ZCCHC14: variants seen among roughly 807,000 people sequenced by gnomAD.
The protein encoded by ZCCHC14 is zinc finger CCHC domain-containing protein 14.
ZCCHC14 carries 16 observed loss-of-function variants against 85.0 expected under a neutral mutation model. That is an observed-to-expected ratio of 0.19 (90% CI 0.13 to 0.29). The LOEUF (loss-of-function observed/expected upper bound fraction) is 0.29, where lower values mean the gene tolerates loss of function less well. ZCCHC14 is among the 10% of genes least tolerant of loss of function. The pLI is 1.00. For synonymous variants in ZCCHC14, 775 were observed against 630.7 expected (o/e 1.23, Z -3.43); for missense variants, 1,303 against 1,443.5 (o/e 0.90, Z 1.58).
intron 3 of ZCCHC14, among the ~76,000 whole-genome samples, chr16:87,429,076 G>C (rs944264425): frequency 6.6e-6 from 1 of 152,190 alleles, no homozygotes; most frequent in Admixed American, 6.5e-5. Context: ...ACCTAGGCTG[G>C]AACTTACGGG....
At chr16:87,479,080 C>G (rs1912150887) in intron 1 of ZCCHC14, among the ~76,000 whole-genome samples, 1 of 152,098 alleles carries the variant, frequency 6.6e-6, no homozygotes, top group East Asian at 1.9e-4. Context: ...ATCCTTCTAG[C>G]ACTAGTTCCT....
intron 1 of ZCCHC14, among the ~76,000 whole-genome samples, chr16:87,462,367 A>T (rs1911304784): frequency 6.6e-6 from 1 of 152,242 alleles, no homozygotes; most frequent in Non-Finnish European, 1.5e-5. Flanking sequence ...TACAAATCTT[A>T]CACAAGGAGA....
chr16:87,428,458 C>T (rs1909484302), intron 3 of ZCCHC14, among the ~76,000 whole-genome samples: 1 of 152,222 alleles, frequency 6.6e-6, no homozygotes, highest in African/African-American at 2.4e-5. Context: ...TTTATTTCCA[C>T]TTACAAAGGA....
At chr16:87,436,526 G>A (rs781417027) in intron 2 of ZCCHC14, among the ~76,000 whole-genome samples, 6 of 152,246 alleles carry the variant, frequency 3.9e-5, no homozygotes, top group African/African-American at 9.6e-5. Context: ...ATTTCAGCAC[G>A]CTCTCAACTC....
At chr16:87,467,711 G>A (rs1348213802) in intron 1 of ZCCHC14, 4 of 676,982 alleles carry the variant, frequency 5.9e-6, no homozygotes, top group African/African-American at 3.6e-5. Flanking sequence ...GAGTGCAGTG[G>A]TGCGATCTTG....
At position 87,417,502 on chromosome 16, in the gene ZCCHC14, C is replaced by T. The variant is rs779077588; in HGVS notation, c.1341G>A (p.Leu447=). 1.2e-6 allele frequency: 2 copies of T among 1,614,268 alleles called. No individual in the cohort carries two copies. Among genetic ancestry groups the T allele is most frequent in the Non-Finnish European group, 1.7e-6 (2 of 1,180,050 alleles). The change falls in exon 8 of 13, where the codon TTG becomes TTA. Residue 447 remains leucine (L), a synonymous_variant. Coordinates refer to ENST00000671377, the MANE Select transcript of ZCCHC14 (RefSeq NM_015144.3). ...GILDWLRKLR[L]HKYYPVFKQL... is the part of the protein sequence containing the mutation. ...GCTTAAAGACGGGGTAATACTTGTG[C>T]AAACGCAGTTTCCTAAGCCAGTCTA...
intron 1 of ZCCHC14, among the ~76,000 whole-genome samples, chr16:87,490,759 C>T (rs1912718275): frequency 6.6e-6 from 1 of 152,254 alleles, no homozygotes; most frequent in African/African-American, 2.4e-5. Flanking sequence ...TAGCCCGGCT[C>T]TTAAAAACGA....
At chr16:87,440,120 G>C (rs563837011) in intron 2 of ZCCHC14, among the ~76,000 whole-genome samples, 2 of 151,938 alleles carry the variant, frequency 1.3e-5, no homozygotes, top group Non-Finnish European at 2.9e-5. Flanking sequence ...CATGCACTTT[G>C]AATTCACTGA....
At chr16:87,457,034 G>A (rs1911002492) in intron 2 of ZCCHC14, among the ~76,000 whole-genome samples, 1 of 152,186 alleles carries the variant, frequency 6.6e-6, no homozygotes. Context: ...CTAAGTTTCA[G>A]TAAATCATCA....
intron 3 of ZCCHC14, among the ~76,000 whole-genome samples, chr16:87,426,481 A>G (rs1204941274): frequency 6.6e-6 from 1 of 152,192 alleles, no homozygotes; most frequent in African/African-American, 2.4e-5. Context: ...CCAAAGCCCA[A>G]TGTGCACACA....
chr16:87,463,651 C>T (rs1911379858), intron 1 of ZCCHC14, among the ~76,000 whole-genome samples: 1 of 152,108 alleles, frequency 6.6e-6, no homozygotes, highest in South Asian at 2.1e-4. Flanking sequence ...AATGAAACCT[C>T]GTCTCTACTA....
At position 87,406,351 on chromosome 16, in the gene ZCCHC14, A is replaced by C. The variant is rs1430815188; in HGVS notation, c.*3929T>G. 1.3e-5 allele frequency: 2 copies of C among 152,632 alleles called. No individual in the cohort carries two copies. The highest frequency in any genetic ancestry group is 4.8e-5 in the African/African-American group (2 of 41,446). The allele number at this position is 152,632 out of a possible 1,614,324, so 9.5% of individuals were successfully genotyped here. A position where few individuals can be genotyped will look rare whatever the true frequency, so the allele number is the denominator to read the frequency against. ...TAACAAAGTATAATAAAACATAAAA[A>C]CCCCAAAAACAGAATACTTGACATT... On this transcript the variant is annotated 3_prime_UTR_variant, in exon 13 of 13. Coordinates refer to ENST00000671377, the MANE Select transcript of ZCCHC14 (RefSeq NM_015144.3).
At chr16:87,424,068 C>T (rs565421108) in intron 3 of ZCCHC14, among the ~76,000 whole-genome samples, 187 bp from the exon 4 acceptor site, 2 of 152,312 alleles carry the variant, frequency 1.3e-5, no homozygotes, top group African/African-American at 4.8e-5. Context: ...TAGCTCCAGG[C>T]CCTCTAAAGT....
chr16:87,413,320 G>C, intron 10 of ZCCHC14, 125 bp from the exon 11 acceptor site: 1 of 1,356,438 alleles, frequency 7.4e-7, no homozygotes, highest in East Asian at 2.5e-5. Context: ...CTGAGAGTCA[G>C]AAAACGAACA....
At position 87,477,137 on chromosome 16, in the gene ZCCHC14, AAAAACAAAAC is replaced by A. The variant is rs1348158109; in HGVS notation, c.570+14522_570+14531del. Among the ~76,000 whole-genome samples the A allele has an allele frequency of 4.9e-4, 67 of 136,864 alleles. 5 individuals carry two copies. The highest frequency in any genetic ancestry group is 2.8e-3 in the East Asian group (13 of 4,716). 89.8% of individuals were successfully genotyped at this position (136,864 alleles called of 152,430 possible). A position where few individuals can be genotyped will look rare whatever the true frequency, so the allele number is the denominator to read the frequency against. ...CTCAGTCTCAAAAAAAAAAAAAAAA[AAAAACAAAAC>A]AAAACCAAAAAAAAATTGAAGTGGT... On this transcript the variant is annotated intron_variant, in intron 1 of 12. Coordinates refer to ENST00000671377, the MANE Select transcript of ZCCHC14 (RefSeq NM_015144.3).
intron 2 of ZCCHC14, among the ~76,000 whole-genome samples, chr16:87,449,110 A>G (rs1910573870): frequency 1.3e-5 from 2 of 152,218 alleles, no homozygotes; most frequent in Admixed American, 6.5e-5. Context: ...AGCATGGCCC[A>G]GCTGACACCA....
intron 2 of ZCCHC14, among the ~76,000 whole-genome samples, chr16:87,452,881 C>A (rs1288199385): frequency 6.6e-6 from 1 of 152,174 alleles, no homozygotes; most frequent in Non-Finnish European, 1.5e-5. Flanking sequence ...CTTCCAGCAG[C>A]GTGGCTGTGA....
At chr16:87,417,379 G>C (rs1567510943) in intron 8 of ZCCHC14, 81 bp downstream of exon 8, 17 of 1,552,582 alleles carry the variant, frequency 1.1e-5, no homozygotes, top group Non-Finnish European at 1.5e-5. Context: ...CCTTGTGTTG[G>C]TTTGGAAACT....
chr16:87,453,682 C>A (rs1331061701), intron 2 of ZCCHC14, among the ~76,000 whole-genome samples: 1 of 152,234 alleles, frequency 6.6e-6, no homozygotes, highest in Non-Finnish European at 1.5e-5. Context: ...AGACAATATT[C>A]CCTGTTGCAA....
Sources: allele counts gnomAD v4.1 joint callset (sites outside exome capture counted in the v4.1 genomes callset), GRCh38; gene constraint gnomAD v4.1.1; transcripts MANE v1.5; gene names NCBI Gene and HGNC (gene_info 2026-07-23, HGNC 2026-07-21).